Variants in SLC18A1 observed in about 807,000 individuals in gnomAD.
SLC18A1 encodes solute carrier family 18 member A1.
Under a neutral mutation model 53.7 loss-of-function variants are expected in SLC18A1, and 69 were observed. The ratio of observed to expected loss-of-function variants is 1.28; its 90% CI spans 1.06 to 1.57. The LOEUF (loss-of-function observed/expected upper bound fraction) is 1.57, where lower values mean the gene tolerates loss of function less well. Ranked by LOEUF, SLC18A1 falls within the 40% of genes most tolerant of loss-of-function variation. The probability of loss-of-function intolerance (pLI) is 0.00; values close to 1 mark genes in which losing one functional copy is unlikely to be tolerated. For synonymous variants in SLC18A1, 320 were observed against 248.1 expected, an observed-to-expected ratio of 1.29 and a Z score of -2.72; for missense variants, 932 against 668.1, an observed-to-expected ratio of 1.40 and a Z score of -4.35.
rs17222113 is a variant in SLC18A1, at chr8:20,174,487, C to T, written c.548-43G>A. ...CAAGATAACTGCAGTTAGCAAATTG[C>T]CTTTGCTTCCCCAGCCGCCAGAGAA... On this transcript the variant is annotated intron_variant, in intron 4 of 15. Transcript: ENST00000276373. 13 of 1,361,170 alleles carry T rather than the reference C, an allele frequency of 9.6e-6. No individual in the cohort carries two copies. In the East Asian group the frequency reaches 3.0e-4, roughly 31 times the overall value. 84.3% of individuals were successfully genotyped at this position (1,361,170 alleles called of 1,614,324 possible).
chr8:20,159,443 A>T (rs1471970201), intron 10 of SLC18A1, among the ~76,000 whole-genome samples: 2 of 152,040 alleles, frequency 1.3e-5, no homozygotes, highest in African/African-American at 4.8e-5. Context: ...AAGAGAGCTC[A>T]CTAAAATACC....
At chr8:20,171,351 C>T in intron 7 of SLC18A1, 54 bp downstream of exon 7, 3 of 1,473,594 alleles carry the variant, frequency 2.0e-6, no homozygotes, top group Non-Finnish European at 2.9e-6. Context: ...CAACATAATG[C>T]ATTCCCAACC....
chr8:20,163,125 G>A (rs901121593), intron 10 of SLC18A1, among the ~76,000 whole-genome samples: 1 of 152,138 alleles, frequency 6.6e-6, no homozygotes, highest in Non-Finnish European at 1.5e-5. Flanking sequence ...TGGCCACCTG[G>A]GGAGTGCCTG....
intron 6 of SLC18A1, among the ~76,000 whole-genome samples, chr8:20,171,869 A>G (rs1207419400): frequency 2.0e-5 from 3 of 152,146 alleles, no homozygotes; most frequent in African/African-American, 7.2e-5. Context: ...GAGTATCTGG[A>G]GGGGAAGAAG....
At chr8:20,163,313 C>G (rs910666440) in intron 10 of SLC18A1, among the ~76,000 whole-genome samples, 3 of 152,192 alleles carry the variant, frequency 2.0e-5, no homozygotes, top group Admixed American at 6.5e-5. Flanking sequence ...TCCCACTTCT[C>G]AAGACTGTTG....
chr8:20,180,144 T>TGTGTG (rs1169666466), intron 2 of SLC18A1, among the ~76,000 whole-genome samples: 1 of 60,196 alleles, frequency 1.7e-5, no homozygotes, highest in Non-Finnish European at 3.7e-5. Flanking sequence ...GTGTGTGTGT[T>TGTGTG]TCCCTGGGAG....
chr8:20,150,333 C>A (rs887456047), intron 11 of SLC18A1, among the ~76,000 whole-genome samples: 3 of 152,204 alleles, frequency 2.0e-5, no homozygotes, highest in African/African-American at 7.2e-5. Context: ...AATTTGAAAA[C>A]TACTTTCCCA....
intron 5 of SLC18A1, among the ~76,000 whole-genome samples, chr8:20,173,688 A>G (rs2072183298): frequency 6.6e-6 from 1 of 152,206 alleles, no homozygotes; most frequent in Non-Finnish European, 1.5e-5. Flanking sequence ...TGGTGTTACC[A>G]GTAGTACTAA....
At chr8:20,166,876 C>G (rs2071981153) in intron 8 of SLC18A1, among the ~76,000 whole-genome samples, 1 of 152,064 alleles carries the variant, frequency 6.6e-6, no homozygotes, top group Middle Eastern at 3.2e-3. Context: ...CATCAGGGCT[C>G]TCTTCCTCTG....
intron 12 of SLC18A1, chr8:20,148,496 T>C: frequency 1.6e-6 from 2 of 1,286,316 alleles, no homozygotes; most frequent in Non-Finnish European, 2.0e-6. Context: ...AAAGGTTTCA[T>C]TTAGACTTCT....
chr8:20,171,753 G>C (rs2132699), intron 6 of SLC18A1, among the ~76,000 whole-genome samples: 3 of 151,716 alleles, frequency 2.0e-5, no homozygotes, highest in East Asian at 3.9e-4. Context: ...GAGGGACACA[G>C]ATAATTAAAG....
In SLC18A1 at chr8:20,176,634, C is replaced by T. The variant is rs115045630; in HGVS notation, c.547+1801G>A. Among the ~76,000 whole-genome samples, 1,246 of 152,134 alleles carry T rather than the reference C, an allele frequency of 8.2e-3. 23 individuals carry two copies. The highest frequency in any genetic ancestry group is 0.027 in the African/African-American group (1,116 of 41,496). On this transcript the variant is annotated intron_variant, in intron 4 of 15. Coordinates refer to ENST00000276373, the MANE Select transcript of SLC18A1 (RefSeq NM_003053.4). Reference sequence around the variant, plus strand: ...GGGGTGGAGGGTTTAAGGGTAGTAACGGGCATCAACAATCTCTTTTAAGTA... The same window carrying T: ...GGGGTGGAGGGTTTAAGGGTAGTAATGGGCATCAACAATCTCTTTTAAGTA...
rs1235890491 is a variant in SLC18A1 at position 20,147,259 on chromosome 8, A to G, written c.1463T>C (p.Leu488Pro). ...LRSPPAKEEK[L>P]AILSQDCPME... Reference sequence around the variant, plus strand: ...CTTTTAACAGTCGGTGCTCCTTACAAGCTTCTCTTCCTTTGCCGGGGGGCT... The same window carrying G: ...CTTTTAACAGTCGGTGCTCCTTACAGGCTTCTCTTCCTTTGCCGGGGGGCT... The change falls in exon 15 of 16, where the codon CTT becomes CCT. Residue 488 changes from leucine to proline, a missense_variant and splice_region_variant. Physicochemically the swap from Leu to Pro is moderately conservative, Grantham distance 98. Transcript: ENST00000276373. 2 of 1,599,686 alleles carry G rather than the reference A, an allele frequency of 1.3e-6. No individual in the cohort carries two copies. The highest frequency in any genetic ancestry group is 8.5e-7 in the Non-Finnish European group (1 of 1,175,380).
At position 20,147,662 on chromosome 8, in the gene SLC18A1, GAGGTGTGGCGTAGATCCACC is replaced by G; in HGVS notation, c.1251_1270del (p.Val418GlyfsTer10). On this transcript the variant is annotated frameshift_variant, in exon 14 of 16. Coordinates refer to ENST00000276373, the MANE Select transcript of SLC18A1 (RefSeq NM_003053.4). LOFTEE classifies it high-confidence loss of function. ...GATGGCGTAGACACTCCCATACACCGAGGTGTGGCGTAGATCCACCAGGTGCCCCATGATGGGCATCATAG... is the reference window on the plus strand; with the variant it reads ...GATGGCGTAGACACTCCCATACACCGAGGTGCCCCATGATGGGCATCATAG... 6.2e-7 allele frequency: 1 copy of G among 1,613,960 alleles called. No individual in the cohort carries two copies. The highest frequency in any genetic ancestry group is 8.5e-7 in the Non-Finnish European group (1 of 1,179,916).
intron 3 of SLC18A1, 111 bp from the exon 4 acceptor site, chr8:20,178,604 TA>T: frequency 1.3e-6 from 1 of 762,116 alleles, no homozygotes; most frequent in Non-Finnish European, 2.2e-6. Flanking sequence ...GGGTGTATGG[TA>T]AAACATGCCT....
At chr8:20,148,299 C>T in intron 12 of SLC18A1, 1 of 597,102 alleles carries the variant, frequency 1.7e-6, no homozygotes, top group Non-Finnish European at 2.8e-6. Flanking sequence ...TCCAGAGTTA[C>T]AGATCTAATG....
intron 8 of SLC18A1, 113 bp from the exon 9 acceptor site, chr8:20,165,220 C>T (rs1179919830): frequency 2.2e-6 from 2 of 925,910 alleles, no homozygotes; most frequent in East Asian, 5.1e-5. Context: ...ACAGTATCTC[C>T]TTTACTGCAG....
chr8:20,165,195 G>T (rs2071927285), intron 8 of SLC18A1, 88 bp from the exon 9 acceptor site: 1 of 1,159,280 alleles, frequency 8.6e-7, no homozygotes, highest in Non-Finnish European at 1.3e-6. Flanking sequence ...ACAATTATGG[G>T]CTTAGAGACC....
intron 10 of SLC18A1, 72 bp downstream of exon 10, chr8:20,164,796 AC>A: frequency 9.0e-7 from 1 of 1,113,806 alleles, no homozygotes; most frequent in Admixed American, 2.1e-5. Flanking sequence ...TCCCTGTGTG[AC>A]ATTGAACGAA....
Sources: allele counts gnomAD v4.1 joint callset (sites outside exome capture counted in the v4.1 genomes callset), GRCh38; gene constraint gnomAD v4.1.1; transcripts MANE v1.5; gene names NCBI Gene and HGNC (gene_info 2026-07-23, HGNC 2026-07-21).